Variants in NRXN1 observed in about 807,000 individuals in gnomAD.
NRXN1 encodes the protein neurexin 1, also known as neurexin-1.
Under a neutral mutation model 150.9 loss-of-function variants are expected in NRXN1, and 39 were observed. The observed-to-expected ratio is 0.26, with a 90% confidence interval of 0.20 to 0.34. The LOEUF (loss-of-function observed/expected upper bound fraction) is 0.34. Among genes scored for constraint, NRXN1 ranks in the 10% least tolerant of loss-of-function variants. NRXN1 has a pLI of 1.00. For missense variants in NRXN1, 1,815 were observed against 1,949.9 expected (o/e 0.93, Z 1.30); for synonymous variants, 924 against 757.0 (o/e 1.22, Z -3.62).
intron 17 of NRXN1, among the ~76,000 whole-genome samples, chr2:50,310,122 G>C (rs1353246277): frequency 6.6e-6 from 1 of 152,224 alleles, no homozygotes; most frequent in Non-Finnish European, 1.5e-5. Flanking sequence ...GAAAAGGAAA[G>C]AGAGAGTATC....
rs988280032 is a variant in NRXN1, at chr2:49,919,025, T to A, written c.*2919A>T. ...ACAAAGCACTAGAAGGGTAGGGTTATGTGGCCTTTCTTTGATGTCTTAGGG... is the reference window on the plus strand; with the variant it reads ...ACAAAGCACTAGAAGGGTAGGGTTAAGTGGCCTTTCTTTGATGTCTTAGGG... On this transcript the variant is annotated 3_prime_UTR_variant, in exon 23 of 23. Transcript: ENST00000401669. The A allele has an allele frequency of 2.6e-5, 4 of 152,146 alleles. No homozygotes were observed. The highest frequency in any genetic ancestry group is 9.6e-5 in the African/African-American group (4 of 41,458). 9.4% of individuals were successfully genotyped at this position (152,146 alleles called of 1,614,324 possible).
intron 5 of NRXN1, among the ~76,000 whole-genome samples, chr2:50,794,854 G>C (rs1469756297): frequency 1.3e-5 from 2 of 152,016 alleles, no homozygotes; most frequent in Non-Finnish European, 2.9e-5. Context: ...TTTTTTCATA[G>C]TCAATATTAT....
chr2:50,182,281 A>G (rs552645273), intron 18 of NRXN1, among the ~76,000 whole-genome samples: 6 of 152,114 alleles, frequency 3.9e-5, no homozygotes, highest in African/African-American at 1.4e-4. Context: ...TCTATAAGGT[A>G]CATTTCATAA....
At chr2:50,536,432 A>G (rs10198562) in intron 10 of NRXN1, among the ~76,000 whole-genome samples, 47,939 of 152,074 alleles carry the variant, frequency 0.32, 8,073 homozygotes, top group East Asian at 0.52. Flanking sequence ...TTTTCTAATC[A>G]TTGCAATATA....
intron 5 of NRXN1, among the ~76,000 whole-genome samples, chr2:50,887,245 T>C (rs925268446): frequency 2.0e-5 from 3 of 151,480 alleles, no homozygotes; most frequent in Middle Eastern, 3.2e-3. Context: ...ATCTCTCTTC[T>C]ACTTGATCCA....
At chr2:50,895,241 C>T (rs551294210) in intron 5 of NRXN1, among the ~76,000 whole-genome samples, 64 of 151,558 alleles carry the variant, frequency 4.2e-4, no homozygotes, top group African/African-American at 1.4e-3. Flanking sequence ...AAACAATGAG[C>T]CATTTTATGA....
At chr2:50,575,747 C>G (rs531694690) in intron 8 of NRXN1, among the ~76,000 whole-genome samples, 1 of 152,258 alleles carries the variant, frequency 6.6e-6, no homozygotes, top group South Asian at 2.1e-4. Context: ...CCCCAGTACA[C>G]CATGTCTGAC....
chr2:50,117,935 G>C lies in NRXN1; in HGVS notation c.3547-26441C>G, dbSNP rs544951655. ...ATTACTTTTTTTATGATATTGTCTA[G>C]ACTCTCCAGCATTGGCAGAATTTTT... On this transcript the variant is annotated intron_variant, in intron 18 of 22. Coordinates refer to ENST00000401669, the MANE Select transcript of NRXN1 (RefSeq NM_001330078.2). Among the ~76,000 whole-genome samples, 3 of 152,172 alleles carry C rather than the reference G, an allele frequency of 2.0e-5. No homozygotes were observed. In the South Asian group the frequency reaches 6.2e-4, roughly 32 times the overall value.
chr2:50,420,244 G>A (rs185228015), intron 17 of NRXN1, among the ~76,000 whole-genome samples: 16 of 151,924 alleles, frequency 1.1e-4, no homozygotes, highest in Non-Finnish European at 2.2e-4. Context: ...GACAGAAAGC[G>A]AGTCCTCTAT....
chr2:50,051,206 G>T (rs112052525), intron 21 of NRXN1, among the ~76,000 whole-genome samples: 8 of 151,738 alleles, frequency 5.3e-5, no homozygotes, highest in African/African-American at 1.9e-4. Context: ...GCATTTCTAC[G>T]TATTTAGCTT....
At chr2:50,331,121 A>G (rs544714046) in intron 17 of NRXN1, among the ~76,000 whole-genome samples, 43 of 152,270 alleles carry the variant, frequency 2.8e-4, no homozygotes, top group Non-Finnish European at 3.2e-4. Flanking sequence ...ATGTTGAAAA[A>G]CCACAAACAT....
At chr2:50,303,305 A>G (rs1174018315) in intron 17 of NRXN1, among the ~76,000 whole-genome samples, 2 of 152,186 alleles carry the variant, frequency 1.3e-5, no homozygotes, top group African/African-American at 4.8e-5. Flanking sequence ...ATTTCTGGAC[A>G]AAAGAATGTT....
In NRXN1 at chr2:50,178,586, G is replaced by A. The variant is rs182336742; in HGVS notation, c.3546+58203C>T. 4.8e-4 allele frequency among the ~76,000 whole-genome samples: 73 copies of A among 152,090 alleles called. 2 individuals carry two copies. The East Asian group carries it at 0.013, about 26-fold the overall frequency. On this transcript the variant is annotated intron_variant, in intron 18 of 22. Coordinates refer to ENST00000401669, the MANE Select transcript of NRXN1 (RefSeq NM_001330078.2). ...AGGGTTCAAAGGGAATGCATTAGAA[G>A]TTTACAGAGGAATTTGGATTACAAA...
chr2:50,996,883 G>A (rs957660477), intron 2 of NRXN1, among the ~76,000 whole-genome samples: 4 of 151,996 alleles, frequency 2.6e-5, no homozygotes, highest in Admixed American at 2.0e-4. Flanking sequence ...CATCAAACTC[G>A]TGAGGGGGGA....
intron 19 of NRXN1, among the ~76,000 whole-genome samples, chr2:50,059,951 G>C (rs1694260328): frequency 6.6e-6 from 1 of 152,212 alleles, no homozygotes; most frequent in Non-Finnish European, 1.5e-5. Flanking sequence ...ACTTCTGCTA[G>C]GGCAGTGCAG....
Position 50,054,943 on chromosome 2 carries a change from A to G in NRXN1, c.3808+12T>C. 2 of 1,511,346 alleles carry G rather than the reference A, an allele frequency of 1.3e-6. No individual in the cohort carries two copies. Among genetic ancestry groups the G allele is most frequent in the Non-Finnish European group, 1.8e-6 (2 of 1,122,038 alleles). The allele number at this position is 1,511,346 out of a possible 1,614,324, so 93.6% of individuals were successfully genotyped here. On this transcript the variant is annotated intron_variant, in intron 20 of 22. Transcript: ENST00000401669. ...TATTTTTTTATTTGAAGTTTTAATC[A>G]ATGTTTTTTACCTTTGTCGAGTAGC...
At chr2:50,199,016 G>A (rs990099023) in intron 18 of NRXN1, 6 of 152,170 alleles carry the variant, frequency 3.9e-5, no homozygotes, top group African/African-American at 1.2e-4. Context: ...AAAGCCAAGA[G>A]TGCCCAGAGC....
At chr2:50,979,702 T>C (rs1696483877) in intron 2 of NRXN1, among the ~76,000 whole-genome samples, 1 of 152,112 alleles carries the variant, frequency 6.6e-6, no homozygotes, top group African/African-American at 2.4e-5. Flanking sequence ...CCATGGATTC[T>C]CACTGAACAC....
intron 5 of NRXN1, among the ~76,000 whole-genome samples, chr2:50,907,679 T>C (rs1683916405): frequency 6.6e-6 from 1 of 151,948 alleles, no homozygotes; most frequent in Admixed American, 6.6e-5. Context: ...GATGCAAGGT[T>C]ACTGGCTTTG....
Sources: gnomAD v4.1 joint callset for allele counts (sites outside exome capture counted in the v4.1 genomes callset) on GRCh38, gnomAD v4.1.1 for gene constraint, MANE v1.5 for transcripts, NCBI Gene and HGNC (gene_info 2026-07-23, HGNC 2026-07-21) for gene names.